The following N4BP1 variants were observed in gnomAD, a reference collection of about 807,000 sequenced individuals.
N4BP1 encodes the protein NEDD4-binding protein 1.
Under a neutral mutation model 70.9 loss-of-function variants are expected in N4BP1, and 21 were observed. The observed-to-expected ratio is 0.30, with a 90% CI of 0.21 to 0.43. The LOEUF (loss-of-function observed/expected upper bound fraction) is 0.43. N4BP1 is among the 20% of genes least tolerant of loss of function. The probability of loss-of-function intolerance (pLI) is 1.00; values close to 1 mark genes in which losing one functional copy is unlikely to be tolerated. For missense variants in N4BP1, 936 were observed against 1,069.4 expected (o/e 0.88, Z 1.74); for synonymous variants, 387 against 394.6 (o/e 0.98, Z 0.23).
intron 1 of N4BP1, among the ~76,000 whole-genome samples, chr16:48,603,961 C>T (rs1311887940): frequency 1.3e-5 from 2 of 152,222 alleles, no homozygotes; most frequent in African/African-American, 4.8e-5. Context: ...TATTGCACTT[C>T]AGACCCCCTT....
intron 1 of N4BP1, among the ~76,000 whole-genome samples, chr16:48,598,661 T>C (rs374790387): frequency 1.3e-5 from 2 of 152,128 alleles, no homozygotes; most frequent in Non-Finnish European, 2.9e-5. Flanking sequence ...AAGATTACAA[T>C]GAGAAATCTG....
intron 1 of N4BP1, among the ~76,000 whole-genome samples, chr16:48,590,576 G>C (rs1176036570): frequency 6.6e-6 from 1 of 152,202 alleles, no homozygotes; most frequent in Non-Finnish European, 1.5e-5. Flanking sequence ...CCAGAGGCCA[G>C]CCCAAGCGGC....
intron 2 of N4BP1, 147 bp from the exon 3 acceptor site, chr16:48,553,816 C>A: frequency 1.4e-6 from 1 of 692,298 alleles, no homozygotes; most frequent in Non-Finnish European, 2.2e-6. Flanking sequence ...CATTTAGTTG[C>A]ACAAAGTTAG....
chr16:48,557,256 G>A (rs1963768680), intron 2 of N4BP1, among the ~76,000 whole-genome samples: 1 of 152,116 alleles, frequency 6.6e-6, no homozygotes, highest in Non-Finnish European at 1.5e-5. Context: ...CAACTACTTG[G>A]GTCAAATCAG....
At chr16:48,601,178 C>G (rs1454158313) in intron 1 of N4BP1, among the ~76,000 whole-genome samples, 3 of 152,134 alleles carry the variant, frequency 2.0e-5, no homozygotes, top group African/African-American at 7.2e-5. Flanking sequence ...CTGTTTTGAC[C>G]TGGTTTAATC....
chr16:48,607,310 G>A (rs1964597746), intron 1 of N4BP1, among the ~76,000 whole-genome samples: 1 of 152,208 alleles, frequency 6.6e-6, no homozygotes, highest in Admixed American at 6.5e-5. Flanking sequence ...GATGAGTCTT[G>A]AGCAAAAGCA....
intron 1 of N4BP1, among the ~76,000 whole-genome samples, 159 bp from the exon 2 acceptor site, chr16:48,562,603 A>G (rs1368282838): frequency 2.6e-5 from 4 of 152,264 alleles, no homozygotes; most frequent in Non-Finnish European, 5.9e-5. Context: ...AACATTGAAA[A>G]TAACAGATAT....
chr16:48,579,124 T>A (rs1803593587), intron 1 of N4BP1, among the ~76,000 whole-genome samples: 1 of 152,134 alleles, frequency 6.6e-6, no homozygotes, highest in African/African-American at 2.4e-5. Flanking sequence ...CAATACACAG[T>A]ACAGCCCCCA....
intron 1 of N4BP1, among the ~76,000 whole-genome samples, chr16:48,602,659 T>G (rs1964519345): frequency 1.3e-5 from 2 of 152,046 alleles, no homozygotes; most frequent in African/African-American, 4.8e-5. Flanking sequence ...TTCTTCCTGG[T>G]AAAATCAAAA....
Position 48,548,034 on chromosome 16 carries a change from A to G in N4BP1, c.2198T>C (p.Val733Ala). The G allele has an allele frequency of 6.2e-7, 1 of 1,606,590 alleles. No individual in the cohort carries two copies. Among genetic ancestry groups the G allele is most frequent in the Non-Finnish European group, 8.5e-7 (1 of 1,173,292 alleles). ...DNFREFVNES[V>A]SWREIITKRL... ...TTTTGTAATAATTTCTCTCCAAGAGACTGACTCATTCACAAATTCTCTGAA... is the reference window on the plus strand; with the variant it reads ...TTTTGTAATAATTTCTCTCCAAGAGGCTGACTCATTCACAAATTCTCTGAA... Residue 733 changes from valine to alanine, a missense_variant, in exon 5 of 7, where the codon GTC becomes GCC. Physicochemically the swap from Val to Ala is moderately conservative, Grantham distance 64. This residue lies in a region of N4BP1 where 229 missense variants were observed against 343.5 expected (regional missense o/e 0.67). Coordinates refer to ENST00000262384, the MANE Select transcript of N4BP1 (RefSeq NM_153029.4).
intron 1 of N4BP1, among the ~76,000 whole-genome samples, chr16:48,583,811 A>G (rs1405804110): frequency 1.3e-5 from 2 of 152,184 alleles, no homozygotes; most frequent in Admixed American, 6.5e-5. Flanking sequence ...TTGGCAGTAG[A>G]GTAGTACCCA....
chr16:48,539,374 A>C lies in N4BP1; in HGVS notation c.*3530T>G, dbSNP rs895327494. On this transcript the variant is annotated 3_prime_UTR_variant, in exon 7 of 7. Coordinates refer to ENST00000262384, the MANE Select transcript of N4BP1 (RefSeq NM_153029.4). The stretch of plus-strand genomic sequence containing the variant: ...AAGCACGAGGGCAGAGCAGGGGACC[A>C]TACGGAGGGTGGGTGTGGAAGAAGG... The C allele has an allele frequency of 6.6e-6, 1 of 152,488 alleles. No homozygotes were observed. Among genetic ancestry groups the C allele is most frequent in the African/African-American group, 2.4e-5 (1 of 41,436 alleles). 9.4% of individuals were successfully genotyped at this position (152,488 alleles called of 1,614,324 possible).
chr16:48,548,666 G>A (rs2151085544), intron 4 of N4BP1, among the ~76,000 whole-genome samples: 1 of 152,014 alleles, frequency 6.6e-6, no homozygotes, highest in East Asian at 1.9e-4. Flanking sequence ...GGGCAACATG[G>A]TGAAACCCCG....
Position 48,542,670 on chromosome 16 carries a change from T to C in N4BP1, c.*234A>G. ...TAAACAGTTCTGAACAGGCAGAAAA[T>C]GTAGACTTTCCTTTAACAGAAAATG... On this transcript the variant is annotated 3_prime_UTR_variant, in exon 7 of 7. Coordinates refer to ENST00000262384, the MANE Select transcript of N4BP1 (RefSeq NM_153029.4). 1 of 410,412 alleles carries C rather than the reference T, an allele frequency of 2.4e-6. No homozygotes were observed. Among genetic ancestry groups the C allele is most frequent in the Middle Eastern group, 6.3e-4 (1 of 1,584 alleles). 25.4% of individuals were successfully genotyped at this position (410,412 alleles called of 1,614,324 possible).
At position 48,561,254 on chromosome 16, in the gene N4BP1, G is replaced by T. The variant is rs1157860798; in HGVS notation, c.1389C>A (p.Phe463Leu). Residue 463 changes from phenylalanine to leucine, a missense_variant, in exon 2 of 7, where the codon TTC (phenylalanine) becomes TTA (leucine). Coordinates refer to ENST00000262384, the MANE Select transcript of N4BP1 (RefSeq NM_153029.4). ...GTTTCTGTTCTATTGGCACTGTTCT[G>T]AAAGTATTAATTCTACAATTTGAGG... ...PCTSNCRINT[F>L]RTVPIEQKHE... 6.2e-7 allele frequency: 1 copy of T among 1,613,974 alleles called. No individual in the cohort carries two copies. Among genetic ancestry groups the T allele is most frequent in the African/African-American group, 1.3e-5 (1 of 75,046 alleles).
At chr16:48,589,110 G>C (rs1049181839) in intron 1 of N4BP1, among the ~76,000 whole-genome samples, 2 of 152,168 alleles carry the variant, frequency 1.3e-5, no homozygotes, top group Non-Finnish European at 2.9e-5. Flanking sequence ...TGGCATAAAA[G>C]ACAATCCCAA....
intron 1 of N4BP1, among the ~76,000 whole-genome samples, chr16:48,594,188 A>G (rs1964378576): frequency 6.6e-6 from 1 of 152,160 alleles, no homozygotes; most frequent in Non-Finnish European, 1.5e-5. Context: ...TGGTGTTGAG[A>G]GAAAAGACAA....
rs1963473218 is a variant in N4BP1, at chr16:48,540,145, C to G, written c.*2759G>C. 6.6e-6 allele frequency: 1 copy of G among 152,584 alleles called. No homozygotes were observed. Among genetic ancestry groups the G allele is most frequent in the East Asian group, 1.9e-4 (1 of 5,198 alleles). 9.5% of individuals were successfully genotyped at this position (152,584 alleles called of 1,614,324 possible). The stretch of plus-strand genomic sequence containing the variant: ...AGAGACACCTCCTGGGCAAGTCGGC[C>G]AGGAGGCGGGAGGCGTGGGTCAGAG... On this transcript the variant is annotated 3_prime_UTR_variant, in exon 7 of 7. Transcript: ENST00000262384.
chr16:48,573,185 C>T lies in N4BP1; in HGVS notation c.199-10741G>A, dbSNP rs151231703. On this transcript the variant is annotated intron_variant, in intron 1 of 6. Coordinates refer to ENST00000262384, the MANE Select transcript of N4BP1 (RefSeq NM_153029.4). ...CCAAAAAACCCCCATAAATGTAGTACAGTACTTGGCGCTGCACTGGGTAAC... is the reference window on the plus strand; with the variant it reads ...CCAAAAAACCCCCATAAATGTAGTATAGTACTTGGCGCTGCACTGGGTAAC... Among the ~76,000 whole-genome samples, 344 of 151,342 alleles carry T rather than the reference C, an allele frequency of 2.3e-3. 1 individual carries two copies. Among genetic ancestry groups the T allele is most frequent in the African/African-American group, 7.9e-3 (327 of 41,298 alleles).
Sources: gnomAD v4.1 joint callset for allele counts (sites outside exome capture counted in the v4.1 genomes callset) on GRCh38, gnomAD v4.1.1 for gene constraint, gnomAD v4.1.1 regional missense constraint, MANE v1.5 for transcripts, NCBI Gene and HGNC (gene_info 2026-07-23, HGNC 2026-07-21) for gene names.